TBC1D12: variants seen among roughly 807,000 people sequenced by gnomAD.
The protein encoded by TBC1D12 is TBC1 domain family member 12, also known as TBC1 domain family, member 12.
In TBC1D12, 56 loss-of-function variants were observed where a neutral mutation model predicts 86.7. That is an observed-to-expected ratio of 0.65 (90% CI 0.52 to 0.81). The LOEUF is 0.81. TBC1D12 is among the 30% of genes least tolerant of loss of function. The pLI, the probability that TBC1D12 is intolerant of heterozygous loss-of-function variation, is 0.00. For missense variants in TBC1D12, 1,023 were observed against 1,038.8 expected (o/e 0.98, Z 0.21); for synonymous variants, 421 against 411.7 (o/e 1.02, Z -0.27).
At chr10:94,457,549 G>A (rs1025521383) in intron 2 of TBC1D12, among the ~76,000 whole-genome samples, 4 of 152,034 alleles carry the variant, frequency 2.6e-5, no homozygotes, top group Non-Finnish European at 4.4e-5. Flanking sequence ...AAAAGTGCTG[G>A]GATTACAGGC....
intron 2 of TBC1D12, among the ~76,000 whole-genome samples, chr10:94,474,012 C>G (rs2055949879): frequency 6.6e-6 from 1 of 152,046 alleles, no homozygotes; most frequent in Non-Finnish European, 1.5e-5. Flanking sequence ...GTAAGTAGAT[C>G]TATTTGTAAT....
rs373640135 is a variant in TBC1D12, at chr10:94,482,128, G to A, written c.1211+7345G>A. On this transcript the variant is annotated intron_variant, in intron 3 of 12. Coordinates refer to ENST00000225235, the MANE Select transcript of TBC1D12 (RefSeq NM_015188.2). ...CAGGAATTAAGCCCAGTATCCAATC[G>A]TTACCTTTTCTGCTCCTCTCCCTCC... 6.5e-4 allele frequency among the ~76,000 whole-genome samples: 99 copies of A among 152,140 alleles called. 1 individual carries two copies. The South Asian group carries it at 0.019, about 30-fold the overall frequency.
chr10:94,500,318 A>G lies in TBC1D12; in HGVS notation c.1510A>G (p.Ile504Val), dbSNP rs371974953. The G allele has an allele frequency of 1.2e-6, 2 of 1,613,448 alleles. No individual in the cohort carries two copies. The highest frequency in any genetic ancestry group is 2.2e-5 in the East Asian group (1 of 44,850). Residue 504 changes from isoleucine (I) to valine (V), a missense_variant, in exon 6 of 13, where the codon ATC becomes GTC. Ile to Val is a conservative substitution (Grantham distance 29). Transcript: ENST00000225235. ...TCTAGCTGTAGGAAATGAACTAAAT[A>G]TCACTCCTGGTTTGTATTCTACGTT... ...WSLAVGNELN[I>V]TPELYEIFLS...
chr10:94,525,753 A>G (rs769156987), intron 11 of TBC1D12, among the ~76,000 whole-genome samples: 7 of 151,634 alleles, frequency 4.6e-5, no homozygotes, highest in Middle Eastern at 3.4e-3. Context: ...TTCTTAAGCT[A>G]TGTGGTTTAA....
chr10:94,510,320 T>C (rs2056511328), intron 8 of TBC1D12, 141 bp downstream of exon 8: 2 of 524,326 alleles, frequency 3.8e-6, no homozygotes, highest in Non-Finnish European at 6.5e-6. Flanking sequence ...AGTGTAAAAC[T>C]AGTTATAAAA....
intron 3 of TBC1D12, among the ~76,000 whole-genome samples, chr10:94,492,395 A>G (rs58430331): frequency 0.022 from 3,339 of 152,276 alleles, 125 homozygotes; most frequent in African/African-American, 0.074. Context: ...GTAAAGGTAT[A>G]TCCACACTTA....
chr10:94,510,743 T>TCCTCCTGCATCAG (rs1227682653), intron 8 of TBC1D12, among the ~76,000 whole-genome samples: 2 of 151,766 alleles, frequency 1.3e-5, no homozygotes, highest in Admixed American at 1.3e-4. Context: ...GCTCAAGCAA[T>TCCTCCTGCATCAG]CCTCCTGCAT....
In TBC1D12 at chr10:94,441,898, A is replaced by T; in HGVS notation, c.974A>T (p.Asn325Ile). The part of the protein sequence containing the change: ...SGGFADFFTR[N>I]LFPKRTKELK... Reference sequence around the variant, plus strand: ...CATGTAACTTTTCTGTGTTTCAGAAACCTTTTTCCAAAAAGGACAAAGGAA... The same window carrying T: ...CATGTAACTTTTCTGTGTTTCAGAATCCTTTTTCCAAAAAGGACAAAGGAA... The change falls in exon 2 of 13, where the codon AAC becomes ATC. Residue 325 changes from asparagine to isoleucine, a missense_variant and splice_region_variant. By Grantham distance (149) the Asn-to-Ile change is moderately radical. This residue lies in a region of TBC1D12 where 628 missense variants were observed against 531.1 expected (regional missense o/e 1.18). Transcript: ENST00000225235. The T allele has an allele frequency of 6.2e-7, 1 of 1,609,846 alleles. No individual in the cohort carries two copies. Among genetic ancestry groups the T allele is most frequent in the Non-Finnish European group, 8.5e-7 (1 of 1,178,750 alleles).
intron 3 of TBC1D12, among the ~76,000 whole-genome samples, chr10:94,485,446 T>C (rs896499775): frequency 6.6e-6 from 1 of 152,166 alleles, no homozygotes; most frequent in Non-Finnish European, 1.5e-5. Context: ...TTGGTCATGA[T>C]GAATTATCTT....
chr10:94,442,186 C>G (rs2055393437), intron 2 of TBC1D12, among the ~76,000 whole-genome samples, 167 bp downstream of exon 2: 1 of 148,328 alleles, frequency 6.7e-6, no homozygotes, highest in Non-Finnish European at 1.5e-5. Context: ...GCTAAATTTT[C>G]TAGAAAAACA....
At chr10:94,486,983 G>C (rs2056172603) in intron 3 of TBC1D12, among the ~76,000 whole-genome samples, 1 of 152,070 alleles carries the variant, frequency 6.6e-6, no homozygotes, top group Non-Finnish European at 1.5e-5. Flanking sequence ...ATACATGGGT[G>C]CTCCAGTGTT....
At chr10:94,508,015 T>C (rs1395119068) in intron 7 of TBC1D12, among the ~76,000 whole-genome samples, 1 of 152,154 alleles carries the variant, frequency 6.6e-6, no homozygotes, top group African/African-American at 2.4e-5. Context: ...AATTGCACTT[T>C]AGTAGAAATT....
In TBC1D12 at chr10:94,511,506, T is replaced by G; in HGVS notation, c.1690-77T>G. ...ACTAGTCATTTAGGAAATGCTACAGTTTATTAACATGTTATATGAAAATTA... is the reference window on the plus strand; with the variant it reads ...ACTAGTCATTTAGGAAATGCTACAGGTTATTAACATGTTATATGAAAATTA... On this transcript the variant is annotated intron_variant, in intron 8 of 12. Coordinates refer to ENST00000225235, the MANE Select transcript of TBC1D12 (RefSeq NM_015188.2). 2 of 895,734 alleles carry G rather than the reference T, an allele frequency of 2.2e-6. 1 individual carries two copies. The highest frequency in any genetic ancestry group is 2.8e-5 in the South Asian group (2 of 70,876). 55.5% of individuals were successfully genotyped at this position (895,734 alleles called of 1,614,324 possible). A position where few individuals can be genotyped will look rare whatever the true frequency, so the allele number is the denominator to read the frequency against.
intron 6 of TBC1D12, among the ~76,000 whole-genome samples, chr10:94,501,072 A>AAATG (rs199587549): frequency 0.019 from 2,660 of 143,324 alleles, 62 homozygotes; most frequent in African/African-American, 0.058. Context: ...ATGAATGAAT[A>AAATG]AATGAATGAA....
At chr10:94,507,794 T>C (rs1305472109) in intron 7 of TBC1D12, among the ~76,000 whole-genome samples, 5 of 152,120 alleles carry the variant, frequency 3.3e-5, no homozygotes, top group Non-Finnish European at 5.9e-5. Context: ...GAAACCAGCC[T>C]GGACAACATG....
intron 1 of TBC1D12, among the ~76,000 whole-genome samples, chr10:94,409,751 A>C (rs575606879): frequency 4.6e-5 from 7 of 152,190 alleles, no homozygotes; most frequent in Non-Finnish European, 8.8e-5. Flanking sequence ...TACTTGTTTG[A>C]TAGAAATCTC....
chr10:94,493,919 T>C (rs2056281022), intron 4 of TBC1D12, among the ~76,000 whole-genome samples: 1 of 152,072 alleles, frequency 6.6e-6, no homozygotes, highest in African/African-American at 2.4e-5. Flanking sequence ...CTATCTTAGT[T>C]TATAAATAAA....
At chr10:94,499,049 G>A (rs2056360981) in intron 5 of TBC1D12, among the ~76,000 whole-genome samples, 1 of 152,188 alleles carries the variant, frequency 6.6e-6, no homozygotes, top group South Asian at 2.1e-4. Context: ...AGGATTACAG[G>A]TGTGAGCCAC....
At chr10:94,455,872 C>T (rs1230617460) in intron 2 of TBC1D12, among the ~76,000 whole-genome samples, 2 of 152,068 alleles carry the variant, frequency 1.3e-5, no homozygotes, top group South Asian at 2.1e-4. Context: ...GCAGGAGACT[C>T]GCTTGAACTC....
Sources: gnomAD v4.1 joint callset for allele counts (sites outside exome capture counted in the v4.1 genomes callset) on GRCh38, gnomAD v4.1.1 for gene constraint, gnomAD v4.1.1 regional missense constraint, MANE v1.5 for transcripts, NCBI Gene and HGNC (gene_info 2026-07-23, HGNC 2026-07-21) for gene names.